PIWIL1: variants seen among roughly 807,000 people sequenced by gnomAD.
The protein encoded by PIWIL1 is piwi-like protein 1.
PIWIL1 carries 73 observed loss-of-function variants against 114.4 expected under a neutral mutation model. The ratio of observed to expected loss-of-function variants is 0.64; its 90% CI spans 0.53 to 0.78. The LOEUF (loss-of-function observed/expected upper bound fraction) is 0.78. PIWIL1 is among the 30% of genes least tolerant of loss of function. PIWIL1 has a pLI of 0.00. For synonymous variants in PIWIL1, 375 were observed against 369.0 expected (o/e 1.02, Z -0.19); for missense variants, 723 against 1,063.1 (o/e 0.68, Z 4.45).
Position 130,349,385 on chromosome 12 carries a change from A to T in PIWIL1, c.881A>T (p.Lys294Ile). 2 of 1,613,770 alleles carry T rather than the reference A, an allele frequency of 1.2e-6. No homozygotes were observed. The highest frequency in any genetic ancestry group is 1.7e-6 in the Non-Finnish European group (2 of 1,179,710). The change falls in exon 8 of 21, where the codon AAA (lysine) becomes ATA (isoleucine). Residue 294 changes from lysine to isoleucine, a missense_variant. By Grantham distance (102) the Lys-to-Ile change is moderately radical. Coordinates refer to ENST00000245255, the MANE Select transcript of PIWIL1 (RefSeq NM_004764.5). ...FNFYHQTEEH[K>I]FQEQVSKELI... ...TTTTATCATCAGACAGAAGAACATA[A>T]ATTTCAAGAACAAGTTTCCAAAGAA...
chr12:130,357,600 T>C, intron 14 of PIWIL1, 47 bp downstream of exon 14: 4 of 1,220,646 alleles, frequency 3.3e-6, no homozygotes, highest in Non-Finnish European at 4.9e-6. Context: ...AAAGAGCTTT[T>C]TCAAAGGGGG....
chr12:130,350,635 C>G (rs1189396565), intron 9 of PIWIL1, among the ~76,000 whole-genome samples: 3 of 152,136 alleles, frequency 2.0e-5, no homozygotes, highest in Non-Finnish European at 4.4e-5. Flanking sequence ...GATCTGGCCC[C>G]CAAATCCTTA....
the PIWIL1 span, among the ~76,000 whole-genome samples, chr12:130,392,088 A>G: frequency 1.1e-5 from 1 of 91,460 alleles, no homozygotes; most frequent in South Asian, 4.0e-4. Flanking sequence ...TGGATGCATC[A>G]GTTACCCAGT....
chr12:130,380,643 T>C, the PIWIL1 span, among the ~76,000 whole-genome samples: 8 of 152,382 alleles, frequency 5.2e-5, no homozygotes, highest in Admixed American at 3.3e-4. Context: ...TGATTTCTTA[T>C]GTCACATAGC....
At chr12:130,374,267 AGAAAGTATTT>A (rs1336186994), downstream of PIWIL1, among the ~76,000 whole-genome samples, 1 of 152,210 alleles carries the variant, frequency 6.6e-6, no homozygotes, top group Non-Finnish European at 1.5e-5. Flanking sequence ...AGAGTCAAAT[AGAAAGTATTT>A]TCAACAGCAG....
chr12:130,366,058 A>G (rs563329878), intron 18 of PIWIL1, among the ~76,000 whole-genome samples: 7 of 152,332 alleles, frequency 4.6e-5, no homozygotes, highest in African/African-American at 1.7e-4. Context: ...CGAGTCAGAC[A>G]TTACTAGGTC....
chr12:130,366,112 T>C (rs1284037181), intron 18 of PIWIL1, among the ~76,000 whole-genome samples: 9 of 152,176 alleles, frequency 5.9e-5, no homozygotes. Flanking sequence ...GGAAATCAAG[T>C]GTATCTGTCC....
intron 14 of PIWIL1, among the ~76,000 whole-genome samples, chr12:130,358,048 C>T (rs987033594): frequency 2.0e-5 from 3 of 152,186 alleles, no homozygotes; most frequent in South Asian, 4.1e-4. Context: ...GATAGGGATG[C>T]AACCACTCTC....
chr12:130,363,282 G>A lies in PIWIL1; in HGVS notation c.2195+138G>A, dbSNP rs1158203085. The A allele has an allele frequency of 1.7e-5, 14 of 834,044 alleles. No homozygotes were observed. The East Asian group carries it at 3.6e-4, about 22-fold the overall frequency. 51.7% of individuals were successfully genotyped at this position (834,044 alleles called of 1,614,324 possible). A position where few individuals can be genotyped will look rare whatever the true frequency, so the allele number is the denominator to read the frequency against. On this transcript the variant is annotated intron_variant, in intron 18 of 20. Coordinates refer to ENST00000245255, the MANE Select transcript of PIWIL1 (RefSeq NM_004764.5). ...TAGGGCCTTTGAGGTGATGGGAAGG[G>A]CAGAGGGAAGTTTCTATTGGAAATT...
In PIWIL1 at chr12:130,357,002, C is replaced by T. The variant is rs1237884447; in HGVS notation, c.1489C>T (p.Leu497=). 1 of 1,613,446 alleles carries T rather than the reference C, an allele frequency of 6.2e-7. No individual in the cohort carries two copies. The highest frequency in any genetic ancestry group is 2.2e-5 in the East Asian group (1 of 44,878). ...LISVKPLDNW[L]LIYTRRNYEA... is the part of the protein sequence containing the mutation. ...TAGTGTTAAGCCACTAGATAACTGGCTGTTGATCTATACGCGAAGAAATTA... is the reference window on the plus strand; with the variant it reads ...TAGTGTTAAGCCACTAGATAACTGGTTGTTGATCTATACGCGAAGAAATTA... The change falls in exon 13 of 21, where the codon CTG becomes TTG. Residue 497 remains leucine (L), a synonymous_variant. Transcript: ENST00000245255.
chr12:130,374,775 G>A (rs2073853683), downstream of PIWIL1, among the ~76,000 whole-genome samples: 1 of 152,208 alleles, frequency 6.6e-6, no homozygotes. Flanking sequence ...TCGTATTTCA[G>A]GCTCATCTCT....
chr12:130,406,566 G>A, the PIWIL1 span, among the ~76,000 whole-genome samples: 1 of 152,138 alleles, frequency 6.6e-6, no homozygotes, highest in Non-Finnish European at 1.5e-5. Context: ...GGAATATTAG[G>A]GAAATGTTCT....
At chr12:130,345,975 T>C (rs2073058172) in intron 4 of PIWIL1, 97 bp downstream of exon 4, 1 of 1,331,252 alleles carries the variant, frequency 7.5e-7, no homozygotes, top group Admixed American at 2.1e-5. Flanking sequence ...TGGCCAAGGA[T>C]CCTGCATGGC....
the PIWIL1 span, among the ~76,000 whole-genome samples, chr12:130,409,460 G>T: frequency 6.8e-6 from 1 of 146,344 alleles, no homozygotes. Context: ...CTCCTGCTTC[G>T]GCCTCCTGAG....
intron 10 of PIWIL1, 81 bp from the exon 11 acceptor site, chr12:130,354,807 C>T: frequency 7.3e-7 from 1 of 1,374,412 alleles, no homozygotes; most frequent in Non-Finnish European, 1.0e-6. Flanking sequence ...GGAATTCCCA[C>T]TCACCATCAC....
chr12:130,421,691 A>G, the PIWIL1 span, among the ~76,000 whole-genome samples: 28,320 of 147,020 alleles, frequency 0.19, 3,390 homozygotes, highest in Middle Eastern at 0.31. Context: ...CTGCATTTAT[A>G]TGTGTGTGTG....
intron 5 of PIWIL1, 113 bp from the exon 6 acceptor site, chr12:130,346,826 CCA>C (rs2073082596): frequency 7.5e-7 from 1 of 1,327,922 alleles, no homozygotes; most frequent in Non-Finnish European, 1.0e-6. Context: ...TAAAAAAAAT[CCA>C]GTTAAAACAT....
At chr12:130,399,390 A>G in the PIWIL1 span, among the ~76,000 whole-genome samples, 844 of 152,022 alleles carry the variant, frequency 5.6e-3, 13 homozygotes, top group South Asian at 0.018. Context: ...TCCCCTTTTC[A>G]CTCTTGATCA....
the PIWIL1 span, among the ~76,000 whole-genome samples, chr12:130,421,288 T>C: frequency 6.6e-6 from 1 of 152,248 alleles, no homozygotes; most frequent in Non-Finnish European, 1.5e-5. Context: ...GTGCCATCAA[T>C]GTTCTGTGAG....
Sources: gnomAD v4.1 joint callset for allele counts (sites outside exome capture counted in the v4.1 genomes callset) on GRCh38, gnomAD v4.1.1 for gene constraint, MANE v1.5 for transcripts, NCBI Gene and HGNC (gene_info 2026-07-23, HGNC 2026-07-21) for gene names.